SPATA13: variants seen among roughly 807,000 people sequenced by gnomAD.
SPATA13 encodes spermatogenesis-associated protein 13.
In SPATA13, 50 loss-of-function variants were observed where a neutral mutation model predicts 104.0. That is an observed-to-expected ratio of 0.48 (90% CI 0.38 to 0.61). The LOEUF (loss-of-function observed/expected upper bound fraction) is 0.61, where lower values mean the gene tolerates loss of function less well. Ranked by LOEUF, SPATA13 falls within the 20% of genes least tolerant of loss-of-function variation. The pLI is 0.00. For missense variants in SPATA13, 1,524 were observed against 1,690.6 expected, an observed-to-expected ratio of 0.90 and a Z score of 1.73; for synonymous variants, 606 against 667.5, an observed-to-expected ratio of 0.91 and a Z score of 1.42.
intron 1 of SPATA13, among the ~76,000 whole-genome samples, chr13:24,170,303 A>AT (rs1385386331): frequency 6.6e-6 from 1 of 152,256 alleles, no homozygotes; most frequent in Admixed American, 6.5e-5. Context: ...ATTCTAAAGC[A>AT]TAGTGGCTTA....
intron 3 of SPATA13, among the ~76,000 whole-genome samples, chr13:24,154,279 A>G (rs1462316960): frequency 2.0e-5 from 3 of 152,224 alleles, no homozygotes; most frequent in Non-Finnish European, 4.4e-5. Flanking sequence ...CAAAAGTAAA[A>G]CAATCTAATT....
At chr13:24,246,414 C>T (rs1873132197) in intron 2 of SPATA13, among the ~76,000 whole-genome samples, 1 of 152,096 alleles carries the variant, frequency 6.6e-6, no homozygotes. Context: ...AAAACGTTTC[C>T]TCTACACTCT....
rs373612208 is a variant in SPATA13, at chr13:24,153,989, C to T, written c.-111-68830C>T. 4.6e-5 allele frequency among the ~76,000 whole-genome samples: 7 copies of T among 152,234 alleles called. No individual in the cohort carries two copies. The South Asian group carries it at 1.0e-3, about 23-fold the overall frequency. The stretch of plus-strand genomic sequence containing the variant: ...ACCTAATGTTCACATCAACTCTGAG[C>T]GGTGGGAACTATTGTTATCCCTATT... On this transcript the variant is annotated intron_variant, in intron 3 of 14. Transcript: ENST00000424834.
chr13:24,248,757 T>C (rs903188223), intron 2 of SPATA13, among the ~76,000 whole-genome samples: 3 of 152,260 alleles, frequency 2.0e-5, no homozygotes, highest in African/African-American at 7.2e-5. Context: ...GTGCACGTTA[T>C]TGAAAGAAGT....
At position 24,110,664 on chromosome 13, in the gene SPATA13, C is replaced by T. The variant is rs113403554; in HGVS notation, c.-112+92963C>T. On this transcript the variant is annotated intron_variant, in intron 3 of 14. Transcript: ENST00000424834. ...GACACTGGGCTAGATCCTGCGGACA[C>T]AGAAAGGAAACAAACATGCCCCCGC... 6.2e-4 allele frequency among the ~76,000 whole-genome samples: 94 copies of T among 152,292 alleles called. 1 individual carries two copies. Among genetic ancestry groups the T allele is most frequent in the African/African-American group, 2.0e-3 (85 of 41,568 alleles).
chr13:24,114,657 T>G (rs1297614006), intron 3 of SPATA13, among the ~76,000 whole-genome samples: 7 of 152,092 alleles, frequency 4.6e-5, no homozygotes, highest in Admixed American at 4.6e-4. Context: ...GTTGTTGTTT[T>G]TTGTTGTTGT....
In SPATA13 at chr13:24,286,946, GT is replaced by G; in HGVS notation, c.2664del (p.Cys888TrpfsTer20). 6.2e-7 allele frequency: 1 copy of G among 1,612,698 alleles called. No individual in the cohort carries two copies. The highest frequency in any genetic ancestry group is 1.7e-5 in the Admixed American group (1 of 60,000). On this transcript the variant is annotated frameshift_variant, in exon 7 of 13. Transcript: ENST00000382108. LOFTEE classifies it high-confidence loss of function. This position sits in a 1 kb window ranked among gnomAD's most constrained non-coding sequence, Gnocchi z 4.9. ...RVYIKHLRDI[C>X]EGYIRQCRKH... ...TACATCAAACACCTCAGGGACATCT[GT>G]GAGGTGGGACGCCAGGCTGGGACCT...
At chr13:24,013,881 A>C (rs1876590077) in intron 2 of SPATA13, among the ~76,000 whole-genome samples, 1 of 152,046 alleles carries the variant, frequency 6.6e-6, no homozygotes. Flanking sequence ...CATGTTGTTC[A>C]TGAGGTTATT....
intron 1 of SPATA13, among the ~76,000 whole-genome samples, chr13:24,201,212 CAT>C (rs1241167244): frequency 6.6e-6 from 1 of 152,116 alleles, no homozygotes; most frequent in African/African-American, 2.4e-5. Context: ...GACCCCCTGT[CAT>C]GTGTACAAAG....
chr13:24,302,499 G>C (rs916518305), intron 12 of SPATA13, 99 bp from the exon 13 acceptor site: 2 of 456,452 alleles, frequency 4.4e-6, no homozygotes, highest in African/African-American at 4.1e-5. Flanking sequence ...AGAATTAGCT[G>C]AGAACTTGGA....
At chr13:24,156,001 G>GT (rs1348365023), upstream of SPATA13, among the ~76,000 whole-genome samples, 1 of 152,118 alleles carries the variant, frequency 6.6e-6, no homozygotes, top group African/African-American at 2.4e-5. Flanking sequence ...GTGTTGCAGC[G>GT]TGTGTCGGAA....
At chr13:23,996,961 T>A (rs1390951189) in intron 2 of SPATA13, among the ~76,000 whole-genome samples, 1 of 152,184 alleles carries the variant, frequency 6.6e-6, no homozygotes, top group Non-Finnish European at 1.5e-5. Flanking sequence ...TTTTCCCAAC[T>A]TATAAGCAGG....
intron 9 of SPATA13, among the ~76,000 whole-genome samples, chr13:24,291,501 T>C (rs1876344053): frequency 6.6e-6 from 1 of 152,204 alleles, no homozygotes; most frequent in Admixed American, 6.5e-5. Flanking sequence ...GACCAGGGCA[T>C]TGGGCACCTG....
chr13:24,137,268 AG>A (rs1215266125), intron 3 of SPATA13, among the ~76,000 whole-genome samples: 1 of 152,206 alleles, frequency 6.6e-6, no homozygotes, highest in Non-Finnish European at 1.5e-5. Context: ...AACTGAAAGA[AG>A]AAGACATGGG....
Position 24,238,720 on chromosome 13 carries a change from A to G in SPATA13, c.1654-10757A>G, listed in dbSNP as rs114304591. Among the ~76,000 whole-genome samples, 243 of 152,226 alleles carry G rather than the reference A, an allele frequency of 1.6e-3. 3 individuals carry two copies. Among genetic ancestry groups the G allele is most frequent in the African/African-American group, 5.4e-3 (226 of 41,526 alleles). On this transcript the variant is annotated intron_variant, in intron 2 of 12. Coordinates refer to ENST00000382108, the MANE Select transcript of SPATA13 (RefSeq NM_001166271.3). ...GGATTACAGCCTCACTCCTTAATGT[A>G]TATGTTTTTCACGTTTACTCACAGT... is the stretch of plus-strand genomic sequence containing the variant.
intron 2 of SPATA13, among the ~76,000 whole-genome samples, chr13:24,249,266 C>T (rs1873337494): frequency 6.6e-6 from 1 of 152,118 alleles, no homozygotes; most frequent in African/African-American, 2.4e-5. Flanking sequence ...TAGAATCAGC[C>T]TATTGAATCA....
intron 3 of SPATA13, among the ~76,000 whole-genome samples, chr13:24,087,822 T>C (rs746328792): frequency 1.3e-5 from 2 of 152,192 alleles, no homozygotes; most frequent in Non-Finnish European, 2.9e-5. Context: ...TCCCCAGAGC[T>C]GCTGGACACA....
chr13:24,291,636 T>A (rs1876354040), intron 9 of SPATA13, among the ~76,000 whole-genome samples: 1 of 152,260 alleles, frequency 6.6e-6, no homozygotes, highest in South Asian at 2.1e-4. Context: ...CCTTCGAGCT[T>A]CCTTGGTGCC....
At chr13:24,301,197 C>G (rs1877163724) in intron 12 of SPATA13, among the ~76,000 whole-genome samples, 2 of 152,114 alleles carry the variant, frequency 1.3e-5, no homozygotes, top group Admixed American at 1.3e-4. Context: ...AAACTTTATT[C>G]CCGTCATCTT....
Sources: allele counts gnomAD v4.1 joint callset (sites outside exome capture counted in the v4.1 genomes callset), GRCh38; gene constraint gnomAD v4.1.1; non-coding constraint Gnocchi (gnomAD v3.1); transcripts MANE v1.5; gene names NCBI Gene and HGNC (gene_info 2026-07-23, HGNC 2026-07-21).